The following PPM1L variants were observed in gnomAD, a reference collection of about 807,000 sequenced individuals.
The protein encoded by PPM1L is protein phosphatase, Mg2+/Mn2+ dependent 1L, also known as protein phosphatase 1L.
Under a neutral mutation model 31.4 loss-of-function variants are expected in PPM1L, and 13 were observed. That is an observed-to-expected ratio of 0.41 (90% CI 0.27 to 0.66). The LOEUF (loss-of-function observed/expected upper bound fraction) is 0.66. Among genes scored for constraint, PPM1L ranks in the 30% least tolerant of loss-of-function variants. PPM1L has a pLI of 0.29. For missense variants in PPM1L, 326 were observed against 453.7 expected (o/e 0.72, Z 2.56); for synonymous variants, 184 against 175.4 (o/e 1.05, Z -0.39).
chr3:160,931,820 C>G (rs1162673976), intron 1 of PPM1L, among the ~76,000 whole-genome samples: 1 of 152,174 alleles, frequency 6.6e-6, no homozygotes, highest in Admixed American at 6.5e-5. Flanking sequence ...GTGCTTTATA[C>G]TTTTCTTAAG....
At chr3:160,901,658 G>A (rs373586266) in intron 1 of PPM1L, among the ~76,000 whole-genome samples, 15 of 152,148 alleles carry the variant, frequency 9.9e-5, no homozygotes, top group African/African-American at 3.4e-4. Context: ...TATCTCAAGC[G>A]CTTGAATATG....
chr3:161,057,468 A>C (rs949188005), intron 2 of PPM1L, among the ~76,000 whole-genome samples: 4 of 152,048 alleles, frequency 2.6e-5, no homozygotes, highest in African/African-American at 9.7e-5. Flanking sequence ...TGTCAACTTT[A>C]TTGTTATACA....
intron 1 of PPM1L, among the ~76,000 whole-genome samples, chr3:160,817,971 C>T (rs1460682919): frequency 6.6e-6 from 1 of 151,946 alleles, no homozygotes. Flanking sequence ...CCATGGAATA[C>T]AGTCTATTCA....
chr3:160,994,348 C>T (rs1717235193), intron 2 of PPM1L, among the ~76,000 whole-genome samples: 1 of 152,148 alleles, frequency 6.6e-6, no homozygotes, highest in African/African-American at 2.4e-5. Context: ...GCAGGCTGGG[C>T]AGAAGAACCA....
intron 1 of PPM1L, among the ~76,000 whole-genome samples, chr3:160,883,536 C>T (rs190103942): frequency 1.1e-4 from 16 of 152,114 alleles, no homozygotes; most frequent in South Asian, 2.1e-4. Context: ...TGAAGGTCTA[C>T]AAACCGAAGA....
At chr3:161,065,909 G>C (rs1288757674) in intron 3 of PPM1L, among the ~76,000 whole-genome samples, 1 of 152,174 alleles carries the variant, frequency 6.6e-6, no homozygotes, top group Non-Finnish European at 1.5e-5. Flanking sequence ...CCTTGTTTCT[G>C]ATACCTCTGT....
At chr3:160,834,669 A>C (rs936110594) in intron 1 of PPM1L, among the ~76,000 whole-genome samples, 7 of 152,148 alleles carry the variant, frequency 4.6e-5, no homozygotes, top group East Asian at 1.9e-4. Context: ...TATGCACTTA[A>C]TACTCAATAT....
chr3:160,850,052 C>T (rs1231479938), intron 1 of PPM1L, among the ~76,000 whole-genome samples: 3 of 152,158 alleles, frequency 2.0e-5, no homozygotes, highest in Non-Finnish European at 2.9e-5. Context: ...CAAGACTGCC[C>T]TTATTTCAGA....
chr3:160,937,596 G>C (rs1038424156), intron 1 of PPM1L, among the ~76,000 whole-genome samples: 1 of 151,968 alleles, frequency 6.6e-6, no homozygotes, highest in Non-Finnish European at 1.5e-5. Context: ...CTCCAGCCTG[G>C]GTGACAGAGC....
At chr3:160,790,468 A>G (rs1386338426) in intron 1 of PPM1L, among the ~76,000 whole-genome samples, 1 of 152,090 alleles carries the variant, frequency 6.6e-6, no homozygotes, top group African/African-American at 2.4e-5. Context: ...GGGAAGGCAA[A>G]CTGGCCTGGC....
chr3:160,864,351 G>GT (rs1383151580), intron 1 of PPM1L, among the ~76,000 whole-genome samples: 2 of 151,902 alleles, frequency 1.3e-5, no homozygotes, highest in African/African-American at 4.8e-5. Flanking sequence ...ATTTTTGTAT[G>GT]TTTTTTGTAA....
At chr3:160,842,425 T>C (rs1479759343) in intron 1 of PPM1L, 3 of 648,050 alleles carry the variant, frequency 4.6e-6, no homozygotes, top group African/African-American at 3.6e-5. Flanking sequence ...ATTTGGACTT[T>C]ATTCTGTAGA....
chr3:160,777,323 TA>T (rs1290604594), intron 1 of PPM1L, among the ~76,000 whole-genome samples: 1 of 152,012 alleles, frequency 6.6e-6, no homozygotes, highest in Non-Finnish European at 1.5e-5. Flanking sequence ...CTTATCTATA[TA>T]AAAAAATTAA....
chr3:161,067,455 A>G (rs1719774276), intron 3 of PPM1L, among the ~76,000 whole-genome samples: 1 of 152,204 alleles, frequency 6.6e-6, no homozygotes, highest in African/African-American at 2.4e-5. Flanking sequence ...TTAGCATGAC[A>G]GTAAGGTCCA....
chr3:160,829,791 A>T (rs1342191425), intron 1 of PPM1L, among the ~76,000 whole-genome samples: 1 of 152,140 alleles, frequency 6.6e-6, no homozygotes, highest in Non-Finnish European at 1.5e-5. Flanking sequence ...GCTTTGGTTT[A>T]TCAGGAGGTG....
rs545904624 is a variant in PPM1L, at chr3:161,053,785, G to A, written c.575-11618G>A. On this transcript the variant is annotated intron_variant, in intron 2 of 3. Transcript: ENST00000498165. ...CTTATTAATCACTGTGTTTGCTGGG[G>A]AAGAGCCAAAGTATACCTAAATCTA... is the stretch of plus-strand genomic sequence containing the variant. Among the ~76,000 whole-genome samples, 16 of 152,206 alleles carry A rather than the reference G, an allele frequency of 1.1e-4. 1 individual carries two copies. The South Asian group carries it at 3.3e-3, about 32-fold the overall frequency.
At chr3:160,770,259 A>C (rs1350195859) in intron 1 of PPM1L, among the ~76,000 whole-genome samples, 1 of 152,066 alleles carries the variant, frequency 6.6e-6, no homozygotes, top group East Asian at 1.9e-4. Flanking sequence ...TTTCTGCCTC[A>C]TTTCATTAAC....
At chr3:160,779,208 A>G (rs1186303096) in intron 1 of PPM1L, among the ~76,000 whole-genome samples, 1 of 152,110 alleles carries the variant, frequency 6.6e-6, no homozygotes, top group East Asian at 1.9e-4. Flanking sequence ...TGTGACTTAA[A>G]TGGCTTCCTT....
At position 160,835,357 on chromosome 3, in the gene PPM1L, T is replaced by G. The variant is rs567905655; in HGVS notation, c.399+78650T>G. Among the ~76,000 whole-genome samples, 10 of 152,160 alleles carry G rather than the reference T, an allele frequency of 6.6e-5. No homozygotes were observed. In the South Asian group the frequency reaches 1.7e-3, roughly 25 times the overall value. On this transcript the variant is annotated intron_variant, in intron 1 of 3. Coordinates refer to ENST00000498165, the MANE Select transcript of PPM1L (RefSeq NM_139245.4). ...CAGTATTCTCTAAAGTGACTCTTGC[T>G]TCCTTACTGAGGCTGTGATCTGTAA...
Sources: allele counts gnomAD v4.1 joint callset (sites outside exome capture counted in the v4.1 genomes callset), GRCh38; gene constraint gnomAD v4.1.1; transcripts MANE v1.5; gene names NCBI Gene and HGNC (gene_info 2026-07-23, HGNC 2026-07-21).